The following SNX6 variants were observed in gnomAD, a reference collection of about 807,000 sequenced individuals.
SNX6 encodes sorting nexin 6.
SNX6 carries 34 observed loss-of-function variants against 63.0 expected under a neutral mutation model. The observed-to-expected ratio is 0.54, with a 90% CI of 0.41 to 0.72. The LOEUF (loss-of-function observed/expected upper bound fraction) is 0.72. SNX6 is among the 30% of genes least tolerant of loss of function. SNX6 has a pLI of 0.00. For synonymous variants in SNX6, 170 were observed against 164.2 expected (o/e 1.04, Z -0.27); for missense variants, 398 against 471.4 (o/e 0.84, Z 1.44).
chr14:34,618,642 A>G (rs935668134), intron 2 of SNX6, among the ~76,000 whole-genome samples: 8 of 152,032 alleles, frequency 5.3e-5, no homozygotes, highest in Admixed American at 5.3e-4. Flanking sequence ...GAGCCACTGC[A>G]CCTGGCCCTC....
rs532687680 is a variant in SNX6, at chr14:34,619,949, C to T, written c.54+9958G>A. Among the ~76,000 whole-genome samples the T allele has an allele frequency of 2.4e-4, 36 of 152,186 alleles. 1 individual carries two copies. The highest frequency in any genetic ancestry group is 2.1e-3 in the South Asian group (10 of 4,824). The stretch of plus-strand genomic sequence containing the variant: ...CTAGACTTGAACTCCTGGGCTCAAG[C>T]GATCCTCCCACCTTAGCCTCTCAAA... On this transcript the variant is annotated intron_variant, in intron 2 of 13. Transcript: ENST00000362031.
chr14:34,563,613 T>G (rs182827653), intron 13 of SNX6, among the ~76,000 whole-genome samples: 39 of 152,108 alleles, frequency 2.6e-4, no homozygotes, highest in African/African-American at 8.9e-4. Flanking sequence ...TATGACTTTA[T>G]CGATATATTA....
intron 4 of SNX6, among the ~76,000 whole-genome samples, chr14:34,606,196 C>CTTT (rs34435703): frequency 1.7e-5 from 1 of 57,610 alleles, no homozygotes; most frequent in African/African-American, 5.7e-5. Context: ...GTTATCTAAT[C>CTTT]TTTTTTTTTT....
intron 10 of SNX6, among the ~76,000 whole-genome samples, chr14:34,577,749 A>G (rs1881766848): frequency 6.6e-6 from 1 of 152,190 alleles, no homozygotes; most frequent in African/African-American, 2.4e-5. Context: ...AATTGGGAAA[A>G]TGTACATACT....
chr14:34,578,742 C>T (rs1298533217), intron 10 of SNX6, among the ~76,000 whole-genome samples: 4 of 150,814 alleles, frequency 2.7e-5, no homozygotes, highest in Admixed American at 1.3e-4. Context: ...AGATCAAGAC[C>T]GCCCTGGCCA....
chr14:34,602,285 G>A (rs1323013707), intron 6 of SNX6, among the ~76,000 whole-genome samples: 1 of 152,046 alleles, frequency 6.6e-6, no homozygotes, highest in Admixed American at 6.6e-5. Context: ...AATTATCTTG[G>A]CATGGTGGCG....
chr14:34,576,823 C>A (rs544435574), intron 10 of SNX6, among the ~76,000 whole-genome samples: 6 of 151,754 alleles, frequency 4.0e-5, no homozygotes, highest in South Asian at 4.2e-4. Context: ...GTGGCTCATG[C>A]CTGTATTCCT....
At chr14:34,603,314 A>C (rs1882897227) in intron 6 of SNX6, 34 bp downstream of exon 6, 1 of 1,564,652 alleles carries the variant, frequency 6.4e-7, no homozygotes, top group Non-Finnish European at 8.6e-7. Flanking sequence ...AAGAAGAAAA[A>C]GAAAACTTGA....
Position 34,630,145 on chromosome 14 carries a change from G to C in SNX6, c.-29C>G. 9 of 1,304,148 alleles carry C rather than the reference G, an allele frequency of 6.9e-6. No individual in the cohort carries two copies. Among genetic ancestry groups the C allele is most frequent in the Non-Finnish European group, 7.8e-6 (8 of 1,031,730 alleles). 80.8% of individuals were successfully genotyped at this position (1,304,148 alleles called of 1,614,324 possible). A position where few individuals can be genotyped will look rare whatever the true frequency, so the allele number is the denominator to read the frequency against. ...TGCTCCGAGGCGAGGGCCGGCGCAGGCGCGCATCTCCCTGCTGCCGGAGGG... is the reference window on the plus strand; with the variant it reads ...TGCTCCGAGGCGAGGGCCGGCGCAGCCGCGCATCTCCCTGCTGCCGGAGGG... On this transcript the variant is annotated 5_prime_UTR_variant, in exon 1 of 14. Transcript: ENST00000362031.
Position 34,609,623 on chromosome 14 carries a change from C to A in SNX6, c.159+15G>T, listed in dbSNP as rs1251005079. 1 of 1,535,908 alleles carries A rather than the reference C, an allele frequency of 6.5e-7. No homozygotes were observed. The highest frequency in any genetic ancestry group is 2.3e-5 in the East Asian group (1 of 43,692). ...TAAATGGCTAAAATAATAGAAAGTA[C>A]AAAATCACATTTACCTTTGTGTGAA... is the stretch of plus-strand genomic sequence containing the variant. On this transcript the variant is annotated intron_variant, in intron 3 of 13. Coordinates refer to ENST00000362031, the MANE Select transcript of SNX6 (RefSeq NM_152233.4).
rs746426146 is a variant in SNX6 at position 34,563,179 on chromosome 14, A to G, written c.1168-4T>C. On this transcript the variant is annotated splice_polypyrimidine_tract_variant and splice_region_variant and intron_variant, in intron 13 of 13. Transcript: ENST00000362031. ...TCTGCAGCAACTGTAGATTACCCTA[A>G]AAAAGGAAGAAAAAATAAATTACAA... 1.6e-5 allele frequency: 25 copies of G among 1,611,738 alleles called. No homozygotes were observed. The highest frequency in any genetic ancestry group is 8.0e-5 in the African/African-American group (6 of 74,838).
rs548875004 is a variant in SNX6 at position 34,588,174 on chromosome 14, A to AT, written c.719-1870dup. 1.2e-3 allele frequency among the ~76,000 whole-genome samples: 186 copies of AT among 151,778 alleles called. 1 individual carries two copies. The highest frequency in any genetic ancestry group is 4.1e-3 in the African/African-American group (169 of 41,416). On this transcript the variant is annotated intron_variant, in intron 8 of 13. Coordinates refer to ENST00000362031, the MANE Select transcript of SNX6 (RefSeq NM_152233.4). Reference sequence around the variant, plus strand: ...AGGCGCCCGCCACCACGCCCAGCTAATTTTTTGTATTTTTAGTAGAGACAG... The same window carrying AT: ...AGGCGCCCGCCACCACGCCCAGCTAATTTTTTTGTATTTTTAGTAGAGACAG...
chr14:34,604,846 T>C (rs1369970505), intron 5 of SNX6, among the ~76,000 whole-genome samples: 1 of 96,460 alleles, frequency 1.0e-5, no homozygotes, highest in Non-Finnish European at 2.2e-5. Flanking sequence ...GTAAGTATAA[T>C]GCAAATACTC....
chr14:34,629,707 TC>T, intron 2 of SNX6, 199 bp downstream of exon 2: 4 of 866,238 alleles, frequency 4.6e-6, no homozygotes, highest in Non-Finnish European at 7.3e-6. Context: ...CGGCCGCGGG[TC>T]CCCGGGAATC....
chr14:34,619,999 C>T (rs1005333115), intron 2 of SNX6, among the ~76,000 whole-genome samples: 2 of 152,162 alleles, frequency 1.3e-5, no homozygotes, highest in Admixed American at 6.6e-5. Flanking sequence ...GCATGAGCCA[C>T]CTGACCTCAA....
intron 4 of SNX6, among the ~76,000 whole-genome samples, chr14:34,607,296 A>G (rs1473253483): frequency 1.3e-5 from 2 of 152,148 alleles, no homozygotes; most frequent in African/African-American, 4.8e-5. Context: ...GCGGCGTTTC[A>G]TAACTGACAA....
Position 34,629,950 on chromosome 14 carries a change from C to A in SNX6, c.11G>T (p.Gly4Val). The A allele has an allele frequency of 6.5e-7, 1 of 1,546,276 alleles. No homozygotes were observed. Among genetic ancestry groups the A allele is most frequent in the Non-Finnish European group, 8.7e-7 (1 of 1,147,812 alleles). ...GAGGAAGTCCGGGCCGTCGTCCAGG[C>A]CTTCCTGTGGGGTCGGCGGGCACGG... MMEGLDDGPDFLSE... is the reference protein window; with the variant it reads MMEVLDDGPDFLSE... The change falls in exon 2 of 14, where the codon GGC becomes GTC. Residue 4 changes from glycine (G) to valine (V), a missense_variant. Physicochemically the swap from Gly to Val is moderately radical, Grantham distance 109 (BLOSUM62 -3). Coordinates refer to ENST00000362031, the MANE Select transcript of SNX6 (RefSeq NM_152233.4).
chr14:34,614,887 C>T (rs568252941), intron 2 of SNX6, among the ~76,000 whole-genome samples: 1 of 152,196 alleles, frequency 6.6e-6, no homozygotes, highest in East Asian at 1.9e-4. Flanking sequence ...TCTCGTAAGA[C>T]CCTATTTCAA....
At position 34,630,082 on chromosome 14, in the gene SNX6, C is replaced by T. The variant is rs953903842; in HGVS notation, c.6+29G>A. On this transcript the variant is annotated intron_variant, in intron 1 of 13. Transcript: ENST00000362031. ...GCGCCCGCTGCCCCCACCGCGCTCC[C>T]GGGACTCGGCGCCGCGGAGAACACC... The T allele has an allele frequency of 8.3e-6, 12 of 1,450,852 alleles. No homozygotes were observed. The Admixed American group carries it at 8.9e-5, about 11-fold the overall frequency. The allele number at this position is 1,450,852 out of a possible 1,614,324, so 89.9% of individuals were successfully genotyped here. A position where few individuals can be genotyped will look rare whatever the true frequency, so the allele number is the denominator to read the frequency against.
Sources: allele counts gnomAD v4.1 joint callset (sites outside exome capture counted in the v4.1 genomes callset), GRCh38; gene constraint gnomAD v4.1.1; transcripts MANE v1.5; gene names NCBI Gene and HGNC (gene_info 2026-07-23, HGNC 2026-07-21).